The following RAD54B variants were observed in gnomAD, a reference collection of about 807,000 sequenced individuals.
RAD54B encodes DNA repair and recombination protein RAD54B.
In RAD54B, 78 loss-of-function variants were observed where a neutral mutation model predicts 95.8. The observed-to-expected ratio is 0.81, with a 90% CI of 0.68 to 0.98. The LOEUF is 0.98. Ranked by LOEUF, RAD54B falls within the 50% of genes least tolerant of loss-of-function variation. RAD54B has a pLI of 0.00. For synonymous variants in RAD54B, 328 were observed against 354.9 expected, an observed-to-expected ratio of 0.92 and a Z score of 0.85; for missense variants, 957 against 1,056.6, an observed-to-expected ratio of 0.91 and a Z score of 1.31.
chr8:94,413,195 T>G (rs771648279), intron 3 of RAD54B, among the ~76,000 whole-genome samples: 9 of 152,222 alleles, frequency 5.9e-5, no homozygotes, highest in African/African-American at 1.9e-4. Context: ...ACATTTTTAG[T>G]AAAATTGGCA....
chr8:94,469,661 T>G (rs1813120217), intron 1 of RAD54B, among the ~76,000 whole-genome samples: 1 of 152,220 alleles, frequency 6.6e-6, no homozygotes. Flanking sequence ...TTTTTCCTAT[T>G]CCACTAATCC....
chr8:94,430,877 A>G (rs3136429), intron 3 of RAD54B: 14,430 of 985,382 alleles, frequency 0.015, 123 homozygotes, highest in South Asian at 0.026. Flanking sequence ...CTACAGCCCA[A>G]ATTGACTCTC....
At chr8:94,414,501 A>G (rs1358022426) in intron 3 of RAD54B, among the ~76,000 whole-genome samples, 2 of 152,114 alleles carry the variant, frequency 1.3e-5, no homozygotes, top group Non-Finnish European at 2.9e-5. Flanking sequence ...GATATGTCCT[A>G]TCAATACCTA....
At chr8:94,467,849 G>A in intron 1 of RAD54B, 1 of 223,332 alleles carries the variant, frequency 4.5e-6, no homozygotes. Context: ...AGAAACTAAA[G>A]GTAACATCTT....
intron 3 of RAD54B, chr8:94,432,773 A>T (rs1467505774): frequency 4.9e-5 from 62 of 1,264,340 alleles, no homozygotes; most frequent in Non-Finnish European, 6.3e-5. Context: ...CTATAAAGTT[A>T]CAAAATAAAA....
At chr8:94,404,599 T>C (rs1811341581) in intron 5 of RAD54B, among the ~76,000 whole-genome samples, 3 of 152,182 alleles carry the variant, frequency 2.0e-5, no homozygotes, top group Admixed American at 6.5e-5. Flanking sequence ...CAGGTTGGAA[T>C]TTTGCCAAGA....
chr8:94,409,401 G>T (rs1811474227), intron 4 of RAD54B, among the ~76,000 whole-genome samples: 1 of 151,052 alleles, frequency 6.6e-6, no homozygotes. Flanking sequence ...AAGAGACAGG[G>T]TCTCTCCAGC....
At chr8:94,458,638 G>A (rs1313719131) in intron 2 of RAD54B, among the ~76,000 whole-genome samples, 5 of 152,134 alleles carry the variant, frequency 3.3e-5, no homozygotes, top group Non-Finnish European at 5.9e-5. Flanking sequence ...AGGCCGAGGC[G>A]GGTGAATTAC....
intron 10 of RAD54B, among the ~76,000 whole-genome samples, chr8:94,388,483 A>T (rs1810944265): frequency 2.0e-5 from 3 of 152,208 alleles, no homozygotes; most frequent in Admixed American, 2.0e-4. Context: ...GGGAGTCAAA[A>T]GTCATACAAG....
chr8:94,429,461 G>A, intron 3 of RAD54B: 1 of 972,714 alleles, frequency 1.0e-6, no homozygotes, highest in South Asian at 4.8e-5. Flanking sequence ...ACACACTTGG[G>A]AAAACTCTGA....
intron 3 of RAD54B, among the ~76,000 whole-genome samples, chr8:94,424,389 T>C (rs867932532): frequency 6.6e-5 from 10 of 152,216 alleles, no homozygotes; most frequent in Admixed American, 1.3e-4. Flanking sequence ...ACAACAGTAT[T>C]TGCCACATAG....
intron 3 of RAD54B, chr8:94,429,423 A>G (rs1440635049): frequency 1.1e-6 from 1 of 911,292 alleles, no homozygotes; most frequent in African/African-American, 1.8e-5. Context: ...TTTTCTAGAA[A>G]CATCTCACAG....
At chr8:94,422,617 A>AAAT (rs1554606249) in intron 3 of RAD54B, among the ~76,000 whole-genome samples, 44 of 43,560 alleles carry the variant, frequency 1.0e-3, no homozygotes, top group Non-Finnish European at 1.4e-3. Context: ...AAAAAAAAAA[A>AAAT]ATATATATAT....
At chr8:94,436,660 G>T in intron 3 of RAD54B, 1 of 1,550,502 alleles carries the variant, frequency 6.4e-7, no homozygotes, top group South Asian at 1.2e-5. Flanking sequence ...TTTATAAAGG[G>T]TGCGTAGGCC....
At chr8:94,427,931 TA>T (rs80311026) in intron 3 of RAD54B, 277,208 of 788,658 alleles carry the variant, frequency 0.35, 29,867 homozygotes, top group Admixed American at 0.5. Flanking sequence ...AATGACTCCT[TA>T]AAAAAAAAAA....
At chr8:94,453,062 G>A (rs2130165930) in intron 3 of RAD54B, among the ~76,000 whole-genome samples, 1 of 152,170 alleles carries the variant, frequency 6.6e-6, no homozygotes, top group South Asian at 2.1e-4. Context: ...CTTGTGATGA[G>A]TATCCTACTC....
rs1442119215 is a variant in RAD54B at position 94,411,304 on chromosome 8, G to C, written c.316C>G (p.Pro106Ala). The C allele has an allele frequency of 6.4e-7, 1 of 1,556,592 alleles. No individual in the cohort carries two copies. The highest frequency in any genetic ancestry group is 1.4e-5 in the African/African-American group (1 of 70,876). Residue 106 changes from proline (P) to alanine (A), a missense_variant, in exon 4 of 15, where the codon CCT becomes GCT. Pro to Ala is a conservative substitution (Grantham distance 27). Transcript: ENST00000336148. ...LDPPHTVHSA[P>A]KEVAVSKEQE... ...TCCTTGGACACTGCTACTTCTTTAG[G>C]AGCCGAATGAACTACAATTAAAAAA...
chr8:94,402,925 A>G (rs1811297042), intron 6 of RAD54B, among the ~76,000 whole-genome samples: 1 of 152,214 alleles, frequency 6.6e-6, no homozygotes, highest in Non-Finnish European at 1.5e-5. Context: ...GGAGGTTAAA[A>G]TAATTAAAAG....
chr8:94,404,376 G>A, intron 5 of RAD54B, 137 bp from the exon 6 acceptor site: 2 of 683,882 alleles, frequency 2.9e-6, no homozygotes, highest in Non-Finnish European at 4.5e-6. Flanking sequence ...TCACAGTAAT[G>A]TTACCCAAGG....
Sources: allele counts gnomAD v4.1 joint callset (sites outside exome capture counted in the v4.1 genomes callset), GRCh38; gene constraint gnomAD v4.1.1; transcripts MANE v1.5; gene names NCBI Gene and HGNC (gene_info 2026-07-23, HGNC 2026-07-21).